Variants in PCLO observed in about 807,000 individuals in gnomAD.
PCLO encodes the protein protein piccolo.
Under a neutral mutation model 427.5 loss-of-function variants are expected in PCLO, and 82 were observed. That is an observed-to-expected ratio of 0.19 (90% CI 0.16 to 0.23). The LOEUF (loss-of-function observed/expected upper bound fraction) is 0.23. PCLO is among the 10% of genes least tolerant of loss of function. The pLI is 1.00. For synonymous variants in PCLO, 2,357 were observed against 2,155.4 expected, an observed-to-expected ratio of 1.09 and a Z score of -2.59; for missense variants, 6,239 against 6,115.9, an observed-to-expected ratio of 1.02 and a Z score of -0.67.
intron 9 of PCLO, 64 bp downstream of exon 9, chr7:82,902,584 AAAT>A: frequency 3.4e-6 from 3 of 882,160 alleles, no homozygotes; most frequent in Non-Finnish European, 1.8e-6. Context: ...AATAATAAAA[AAAT>A]GCAAAACAAA....
chr7:82,864,855 T>A (rs1246748787), intron 10 of PCLO, among the ~76,000 whole-genome samples: 1 of 152,116 alleles, frequency 6.6e-6, no homozygotes, highest in Admixed American at 6.6e-5. Flanking sequence ...GATTATTAAT[T>A]CTTACATGAA....
At chr7:83,143,819 C>T (rs993860083) in intron 2 of PCLO, among the ~76,000 whole-genome samples, 2 of 152,122 alleles carry the variant, frequency 1.3e-5, no homozygotes, top group African/African-American at 2.4e-5. Flanking sequence ...AACTGCCTCT[C>T]GTGGTGAATT....
chr7:82,795,979 A>G (rs770057609), intron 22 of PCLO, among the ~76,000 whole-genome samples: 1 of 152,186 alleles, frequency 6.6e-6, no homozygotes, highest in Non-Finnish European at 1.5e-5. Flanking sequence ...GGTAAAGAAG[A>G]CATTTCAAAA....
In PCLO at chr7:82,966,794, A is replaced by G. The variant is rs10272880; in HGVS notation, c.3301-307T>C. Among the ~76,000 whole-genome samples, 465 of 152,306 alleles carry G rather than the reference A, an allele frequency of 3.1e-3. 2 individuals carry two copies. Among genetic ancestry groups the G allele is most frequent in the African/African-American group, 0.011 (448 of 41,574 alleles). On this transcript the variant is annotated intron_variant, in intron 3 of 24. Transcript: ENST00000333891. ...GAAATATTCATTTTCAGGAAGAAAAAAAATCTGCATTTGTTCCAAATAAAA... is the reference window on the plus strand; with the variant it reads ...GAAATATTCATTTTCAGGAAGAAAAGAAATCTGCATTTGTTCCAAATAAAA...
At chr7:83,071,791 T>C (rs1464783425) in intron 3 of PCLO, among the ~76,000 whole-genome samples, 1 of 152,136 alleles carries the variant, frequency 6.6e-6, no homozygotes, top group Non-Finnish European at 1.5e-5. Context: ...ACAAACAATA[T>C]ACTGATCTTT....
At chr7:82,765,918 G>A (rs185322368) in intron 22 of PCLO, among the ~76,000 whole-genome samples, 7 of 152,022 alleles carry the variant, frequency 4.6e-5, no homozygotes, top group Admixed American at 3.3e-4. Flanking sequence ...TAAAATGTAG[G>A]AAAGTGGTAA....
At chr7:82,979,823 T>G (rs62458573) in intron 3 of PCLO, among the ~76,000 whole-genome samples, 16,072 of 152,212 alleles carry the variant, frequency 0.11, 1,147 homozygotes, top group African/African-American at 0.19. Flanking sequence ...AAATACTGTG[T>G]GTTAGGCAGC....
chr7:82,899,568 T>A (rs1793990489), intron 9 of PCLO, among the ~76,000 whole-genome samples: 2 of 151,498 alleles, frequency 1.3e-5, no homozygotes, highest in African/African-American at 2.4e-5. Flanking sequence ...AGGAAACCAT[T>A]TTTAGTATTA....
intron 3 of PCLO, among the ~76,000 whole-genome samples, chr7:82,992,816 T>C (rs1191810684): frequency 1.3e-5 from 2 of 149,172 alleles, no homozygotes; most frequent in Non-Finnish European, 3.0e-5. Flanking sequence ...ACATTCATAT[T>C]ACTGCTACTC....
chr7:83,084,935 G>C (rs894496471), intron 3 of PCLO, among the ~76,000 whole-genome samples: 3 of 152,100 alleles, frequency 2.0e-5, no homozygotes, highest in Admixed American at 1.3e-4. Context: ...GGATTTGAGA[G>C]ACCAAAGTAG....
intron 2 of PCLO, among the ~76,000 whole-genome samples, chr7:83,139,162 A>G (rs1488251313): frequency 1.3e-5 from 2 of 152,194 alleles, no homozygotes; most frequent in Admixed American, 6.5e-5. Context: ...AACACATAGA[A>G]GAAATAAATT....
At chr7:82,906,713 C>T (rs1204017187) in intron 8 of PCLO, among the ~76,000 whole-genome samples, 2 of 151,894 alleles carry the variant, frequency 1.3e-5, no homozygotes, top group African/African-American at 2.4e-5. Context: ...TTTTTTTGGC[C>T]TGTGTGGCGG....
intron 3 of PCLO, among the ~76,000 whole-genome samples, chr7:82,986,586 T>C (rs982411581): frequency 2.0e-5 from 3 of 151,972 alleles, no homozygotes; most frequent in Non-Finnish European, 4.4e-5. Flanking sequence ...TAAGAGCAGA[T>C]CTAATTCTGG....
At chr7:82,800,014 A>G (rs771901897) in intron 22 of PCLO, among the ~76,000 whole-genome samples, 4 of 152,172 alleles carry the variant, frequency 2.6e-5, no homozygotes, top group Non-Finnish European at 5.9e-5. Context: ...GAGTTTGGGC[A>G]GCAGGTTTGG....
chr7:83,029,835 A>G (rs1788613334), intron 3 of PCLO, among the ~76,000 whole-genome samples: 1 of 146,680 alleles, frequency 6.8e-6, no homozygotes, highest in South Asian at 2.2e-4. Flanking sequence ...ATTGGAAATC[A>G]TCATTCTCAG....
At chr7:82,836,344 T>C (rs1792232984) in intron 15 of PCLO, among the ~76,000 whole-genome samples, 1 of 152,142 alleles carries the variant, frequency 6.6e-6, no homozygotes, top group African/African-American at 2.4e-5. Flanking sequence ...AATATTGTCA[T>C]AAATAACATT....
intron 22 of PCLO, among the ~76,000 whole-genome samples, chr7:82,774,209 T>C (rs1362113011): frequency 1.3e-5 from 2 of 152,212 alleles, no homozygotes; most frequent in African/African-American, 4.8e-5. Context: ...TGATTCTTGC[T>C]AGGACCTTAT....
intron 3 of PCLO, among the ~76,000 whole-genome samples, chr7:83,008,429 T>A (rs770083189): frequency 2.6e-5 from 4 of 151,748 alleles, no homozygotes; most frequent in Non-Finnish European, 5.9e-5. Flanking sequence ...CACATTTATG[T>A]ATTTTGTAAT....
chr7:82,773,008 T>C (rs978504634), intron 22 of PCLO, among the ~76,000 whole-genome samples: 1 of 152,122 alleles, frequency 6.6e-6, no homozygotes, highest in Non-Finnish European at 1.5e-5. Flanking sequence ...GCTGGTATGA[T>C]AGACCAACAT....
Sources: gnomAD v4.1 joint callset for allele counts (sites outside exome capture counted in the v4.1 genomes callset) on GRCh38, gnomAD v4.1.1 for gene constraint, MANE v1.5 for transcripts, NCBI Gene and HGNC (gene_info 2026-07-23, HGNC 2026-07-21) for gene names.